EDA: variants seen among roughly 807,000 people sequenced by gnomAD.
EDA encodes ectodysplasin-A.
Under a neutral mutation model 23.6 loss-of-function variants are expected in EDA, and 2 were observed. That is an observed-to-expected ratio of 0.08 (90% CI 0.03 to 0.27). EDA has a LOEUF of 0.27. EDA is among the 10% of genes least tolerant of loss of function. The pLI is 1.00. For missense variants in EDA, 229 were observed against 324.2 expected (o/e 0.71, Z 2.26); for synonymous variants, 131 against 132.0 (o/e 0.99, Z 0.05).
chrX:70,009,574 T>C (rs1452915969), intron 2 of EDA, among the ~76,000 whole-genome samples: 2 of 109,948 alleles, frequency 1.8e-5, no homozygotes, highest in African/African-American at 6.6e-5. Context: ...GGTTTTGTTT[T>C]GTTTTGTTTT....
chrX:69,919,020 A>T (rs552485260), intron 1 of EDA, among the ~76,000 whole-genome samples: 1 of 111,588 alleles, frequency 9.0e-6, no homozygotes, highest in South Asian at 3.8e-4. Flanking sequence ...GTGCATTTAT[A>T]AACACACAGA....
Position 69,715,247 on chromosome X carries a change from C to G in EDA, c.396+98543C>G, listed in dbSNP as rs149568328. On this transcript the variant is annotated intron_variant, in intron 1 of 7. Coordinates refer to ENST00000374552, the MANE Select transcript of EDA (RefSeq NM_001399.5). The stretch of plus-strand genomic sequence containing the variant: ...CTGATCCTCTCCCTCTTCTCACCCT[C>G]CATCCTCAAGTAGGCCCCAGTGTCT... 5.3e-3 allele frequency among the ~76,000 whole-genome samples: 584 copies of G among 109,749 alleles called. 16 individuals are homozygous for G. The highest frequency in any genetic ancestry group is 0.053 in the Admixed American group (541 of 10,202).
chrX:69,871,657 C>A (rs182985912), intron 1 of EDA, among the ~76,000 whole-genome samples: 1 of 112,324 alleles, frequency 8.9e-6, no homozygotes, highest in African/African-American at 3.2e-5. Flanking sequence ...AACACCCACA[C>A]AGACACACCC....
At chrX:69,786,448 A>C (rs1364154368) in intron 1 of EDA, among the ~76,000 whole-genome samples, 2 of 103,053 alleles carry the variant, frequency 1.9e-5, no homozygotes, top group African/African-American at 3.5e-5. Context: ...ATTTCCCTCT[A>C]CACACTGCTT....
chrX:69,724,453 C>T (rs2012714252), intron 1 of EDA, among the ~76,000 whole-genome samples: 1 of 111,417 alleles, frequency 9.0e-6, no homozygotes, highest in African/African-American at 3.3e-5. Flanking sequence ...CCTTAGACTG[C>T]TTCCACAGTG....
At chrX:69,742,780 A>G (rs975575299) in intron 1 of EDA, among the ~76,000 whole-genome samples, 2 of 110,551 alleles carry the variant, frequency 1.8e-5, no homozygotes, top group Non-Finnish European at 3.8e-5. Context: ...TAGTACTTCT[A>G]TGCAGTAAAC....
intron 1 of EDA, among the ~76,000 whole-genome samples, chrX:69,676,520 TTGTG>T (rs113231038): frequency 6.5e-5 from 7 of 107,598 alleles, no homozygotes; most frequent in African/African-American, 1.7e-4. Flanking sequence ...GCACGTGTGC[TTGTG>T]TGTGTGTGTG....
At chrX:69,623,009 T>C (rs1197343230) in intron 1 of EDA, among the ~76,000 whole-genome samples, 1 of 112,182 alleles carries the variant, frequency 8.9e-6, no homozygotes, top group Non-Finnish European at 1.9e-5. Flanking sequence ...CCTGTATATA[T>C]GCAAGATTGT....
At chrX:69,970,884 G>T (rs2019238589) in intron 2 of EDA, among the ~76,000 whole-genome samples, 1 of 111,725 alleles carries the variant, frequency 9.0e-6, no homozygotes, top group South Asian at 3.7e-4. Context: ...ATTAGGTGAG[G>T]ACTATATAGC....
At chrX:69,780,722 A>C (rs1428850060) in intron 1 of EDA, among the ~76,000 whole-genome samples, 7 of 108,455 alleles carry the variant, frequency 6.5e-5, no homozygotes, top group Admixed American at 4.0e-4. Flanking sequence ...TTCCCCCTTC[A>C]CTCTCTCTTT....
At chrX:69,932,642 A>G (rs1319102178) in intron 1 of EDA, among the ~76,000 whole-genome samples, 1 of 111,830 alleles carries the variant, frequency 8.9e-6, no homozygotes, top group Non-Finnish European at 1.9e-5. Context: ...GATTATTTTT[A>G]TATCTTATGA....
chrX:69,889,389 A>G (rs1392247415), intron 1 of EDA, among the ~76,000 whole-genome samples: 2 of 111,016 alleles, frequency 1.8e-5, no homozygotes, highest in African/African-American at 3.3e-5. Context: ...GGCTTAAGCC[A>G]TCCTCCTGCC....
At chrX:69,822,888 T>A (rs1457684579) in intron 1 of EDA, among the ~76,000 whole-genome samples, 1 of 83,377 alleles carries the variant, frequency 1.2e-5, no homozygotes, top group Non-Finnish European at 2.2e-5. Context: ...GATGTTCCCC[T>A]TCCTGTGTCC....
At chrX:69,696,996 G>A (rs1189467298) in intron 1 of EDA, among the ~76,000 whole-genome samples, 1 of 111,858 alleles carries the variant, frequency 8.9e-6, no homozygotes, top group Non-Finnish European at 1.9e-5. Context: ...TCAGAAATAG[G>A]TGAGTACAAT....
intron 1 of EDA, among the ~76,000 whole-genome samples, chrX:69,717,091 C>G (rs1390940100): frequency 9.0e-6 from 1 of 111,054 alleles, no homozygotes; most frequent in East Asian, 2.8e-4. Context: ...TGGCTAGGAC[C>G]TACAATACCA....
chrX:69,733,910 A>G (rs2013147574), intron 1 of EDA, among the ~76,000 whole-genome samples: 1 of 93,194 alleles, frequency 1.1e-5, no homozygotes, highest in African/African-American at 3.6e-5. Context: ...TTTTGTTGTA[A>G]TATTTTTGCT....
rs757267042 is a variant in EDA at position 69,882,356 on chromosome X, G to A, written c.397-74671G>A. 5.4e-5 allele frequency among the ~76,000 whole-genome samples: 6 copies of A among 111,848 alleles called. No homozygotes were observed. The East Asian group carries it at 1.7e-3, about 32-fold the overall frequency. ...TATACATACCTTGGTGCTTCCCAGA[G>A]GTCTCACTCCAGACTGCTCTGCAAA... On this transcript the variant is annotated intron_variant, in intron 1 of 7. Transcript: ENST00000374552.
intron 1 of EDA, among the ~76,000 whole-genome samples, chrX:69,662,940 C>G (rs1184541809): frequency 8.9e-6 from 1 of 111,976 alleles, no homozygotes; most frequent in Admixed American, 9.5e-5. Context: ...GAAGAAATTT[C>G]TAAGCAGTAA....
At chrX:70,008,342 A>T (rs1214379061) in intron 2 of EDA, among the ~76,000 whole-genome samples, 1 of 112,084 alleles carries the variant, frequency 8.9e-6, no homozygotes, top group Non-Finnish European at 1.9e-5. Context: ...ATTGGCTGAG[A>T]GTTTTTATCA....
Sources: allele counts gnomAD v4.1 joint callset (sites outside exome capture counted in the v4.1 genomes callset), GRCh38; gene constraint gnomAD v4.1.1; transcripts MANE v1.5; gene names NCBI Gene and HGNC (gene_info 2026-07-23, HGNC 2026-07-21).